The following ABCA13 variants were observed in gnomAD, a reference collection of about 807,000 sequenced individuals.
ABCA13 encodes the protein ATP binding cassette subfamily A member 13.
In ABCA13, 476 loss-of-function variants were observed where a neutral mutation model predicts 478.7. The ratio of observed to expected loss-of-function variants is 0.99; its 90% CI spans 0.92 to 1.07. The LOEUF (loss-of-function observed/expected upper bound fraction) is 1.07. Ranked by LOEUF, ABCA13 falls within the 50% of genes least tolerant of loss-of-function variation. The pLI is 0.00. For missense variants in ABCA13, 6,060 were observed against 5,910.6 expected (o/e 1.03, Z -0.83); for synonymous variants, 2,252 against 2,158.9 (o/e 1.04, Z -1.20).
chr7:48,594,894 A>G (rs1337981108), intron 58 of ABCA13, 81 bp downstream of exon 58: 5 of 1,087,514 alleles, frequency 4.6e-6, no homozygotes, highest in Non-Finnish European at 7.0e-6. Context: ...GTACCTGCAC[A>G]GTGTTACACA....
intron 13 of ABCA13, 120 bp downstream of exon 13, chr7:48,246,150 T>A: frequency 9.3e-7 from 1 of 1,073,866 alleles, no homozygotes; most frequent in Non-Finnish European, 1.3e-6. Context: ...CCCACACACT[T>A]AAAGGAAGCT....
In ABCA13 at chr7:48,389,122, G is replaced by A. The variant is rs765027384; in HGVS notation, c.11556G>A (p.Glu3852=). The change falls in exon 37 of 62, where the codon GAG becomes GAA. Residue 3852 remains glutamate, a synonymous_variant. Transcript: ENST00000435803. ...VTLVSVTKEY[E]GHKAVVQDLS... is the part of the protein sequence containing the mutation. ...TGGTGTCTGTGACCAAGGAATATGA[G>A]GGCCACAAGGCTGTGGTCCAAGACC... 2 of 1,613,918 alleles carry A rather than the reference G, an allele frequency of 1.2e-6. No homozygotes were observed. Among genetic ancestry groups the A allele is most frequent in the Non-Finnish European group, 1.7e-6 (2 of 1,179,850 alleles).
At chr7:48,285,029 T>C (rs1050102474) in intron 19 of ABCA13, among the ~76,000 whole-genome samples, 1 of 152,178 alleles carries the variant, frequency 6.6e-6, no homozygotes, top group African/African-American at 2.4e-5. Context: ...CTTCTCCTGA[T>C]CTAGTGCTTT....
At chr7:48,638,714 G>A (rs1158746795) in intron 59 of ABCA13, among the ~76,000 whole-genome samples, 3 of 152,178 alleles carry the variant, frequency 2.0e-5, no homozygotes, top group Admixed American at 6.5e-5. Context: ...AGCTCTGCTA[G>A]TTAATAAGCT....
Position 48,508,015 on chromosome 7 carries a change from G to GTGTACCA in ABCA13, c.13490_13491insTGTACCA (p.Arg4497SerfsTer13). On this transcript the variant is annotated frameshift_variant, in exon 50 of 62. Coordinates refer to ENST00000435803, the MANE Select transcript of ABCA13 (RefSeq NM_152701.5). LOFTEE classifies it high-confidence loss of function. ...CAGCACATAAGTGGCCTTGGCTACA[G>GTGTACCA]GATGTACTGGTTCACAAACTTCCTA... 1 of 1,613,888 alleles carries GTGTACCA rather than the reference G, an allele frequency of 6.2e-7. No individual in the cohort carries two copies. Among genetic ancestry groups the GTGTACCA allele is most frequent in the Non-Finnish European group, 8.5e-7 (1 of 1,179,834 alleles).
chr7:48,239,458 CA>C, intron 9 of ABCA13, 53 bp downstream of exon 9: 2 of 1,521,882 alleles, frequency 1.3e-6, no homozygotes, highest in Non-Finnish European at 1.8e-6. Flanking sequence ...TTTGAGTGTC[CA>C]AATCCATTCT....
At chr7:48,429,772 G>A (rs1821889813) in intron 42 of ABCA13, among the ~76,000 whole-genome samples, 1 of 152,148 alleles carries the variant, frequency 6.6e-6, no homozygotes, top group Non-Finnish European at 1.5e-5. Flanking sequence ...AATCATGAAA[G>A]GTGTTGGATG....
chr7:48,198,230 T>C lies in ABCA13; in HGVS notation c.164-7T>C. ...CGGACTCATTTCTTCTTTGCATCTA[T>C]TTCTAGGTTATTTGCAGCCCCGAGA... On this transcript the variant is annotated splice_region_variant and splice_polypyrimidine_tract_variant and intron_variant, in intron 2 of 61. Coordinates refer to ENST00000435803, the MANE Select transcript of ABCA13 (RefSeq NM_152701.5). 6.2e-7 allele frequency: 1 copy of C among 1,610,724 alleles called. No individual in the cohort carries two copies. The highest frequency in any genetic ancestry group is 8.5e-7 in the Non-Finnish European group (1 of 1,178,820).
intron 27 of ABCA13, among the ~76,000 whole-genome samples, chr7:48,330,353 C>CCATCCATCCACCCATCCATCCATCCATT (rs1563063855): frequency 6.6e-6 from 1 of 151,638 alleles, no homozygotes; most frequent in African/African-American, 2.4e-5. Context: ...ACACATCCAT[C>CCATCCATCCACCCATCCATCCATCCATT]CATCCATCCA....
At chr7:48,293,887 G>A (rs1485183132) in intron 20 of ABCA13, among the ~76,000 whole-genome samples, 2 of 152,132 alleles carry the variant, frequency 1.3e-5, no homozygotes, top group Non-Finnish European at 2.9e-5. Context: ...CTTTCCAGAT[G>A]TTCCCCAGAG....
intron 42 of ABCA13, 38 bp from the exon 43 acceptor site, chr7:48,454,999 A>G (rs1256237420): frequency 6.8e-7 from 1 of 1,463,824 alleles, no homozygotes; most frequent in Non-Finnish European, 9.0e-7. Context: ...ACCTCCGCAG[A>G]GCTGACCCAG....
chr7:48,606,715 T>C (rs746510188), intron 58 of ABCA13, among the ~76,000 whole-genome samples: 10 of 152,180 alleles, frequency 6.6e-5, no homozygotes, highest in Non-Finnish European at 1.0e-4. Flanking sequence ...GAGGAGGCAG[T>C]CTGTCCCTTA....
intron 15 of ABCA13, among the ~76,000 whole-genome samples, chr7:48,267,765 G>T (rs1320606038): frequency 6.6e-6 from 1 of 152,062 alleles, no homozygotes; most frequent in African/African-American, 2.4e-5. Flanking sequence ...CATTCAAACT[G>T]CTGTCATTTT....
intron 41 of ABCA13, among the ~76,000 whole-genome samples, chr7:48,416,449 G>T (rs942700404): frequency 6.6e-6 from 1 of 152,096 alleles, no homozygotes. Flanking sequence ...ACCATGCATG[G>T]TGCTCCCTCA....
intron 3 of ABCA13, among the ~76,000 whole-genome samples, chr7:48,206,265 A>G (rs539627659): frequency 3.8e-4 from 58 of 152,366 alleles, no homozygotes; most frequent in African/African-American, 1.3e-3. Flanking sequence ...ACATAGAATT[A>G]TAATACCATA....
In ABCA13 at chr7:48,396,441, A is replaced by T. The variant is rs77099990; in HGVS notation, c.11873+4302A>T. On this transcript the variant is annotated intron_variant, in intron 38 of 61. Coordinates refer to ENST00000435803, the MANE Select transcript of ABCA13 (RefSeq NM_152701.5). ...CTCATTCAAGTGTCTTTTCCCTGGG[A>T]TATGGGCAGAGGCTCCAGGAGATGG... 4.3e-3 allele frequency among the ~76,000 whole-genome samples: 654 copies of T among 152,194 alleles called. 25 individuals carry two copies. In the East Asian group the frequency reaches 0.095, roughly 22 times the overall value.
At chr7:48,444,831 C>T (rs757496665) in intron 42 of ABCA13, among the ~76,000 whole-genome samples, 101 of 152,230 alleles carry the variant, frequency 6.6e-4, no homozygotes, top group Non-Finnish European at 1.1e-3. Context: ...GAAAACTTTC[C>T]TCTGGCTCAT....
In ABCA13 at chr7:48,547,357, A is replaced by G. The variant is rs775783045; in HGVS notation, c.14354+19012A>G. ...GAATTTCCCTTCCCTGGAACAAAGT[A>G]TCTCTTAGCTGAAAAAGTCTTATTC... is the stretch of plus-strand genomic sequence containing the variant. On this transcript the variant is annotated intron_variant, in intron 55 of 61. Coordinates refer to ENST00000435803, the MANE Select transcript of ABCA13 (RefSeq NM_152701.5). Among the ~76,000 whole-genome samples the G allele has an allele frequency of 2.8e-4, 43 of 152,050 alleles. 1 individual carries two copies. The highest frequency in any genetic ancestry group is 3.4e-3 in the Middle Eastern group (1 of 292).
At position 48,275,772 on chromosome 7, in the gene ABCA13, G is replaced by A; in HGVS notation, c.6106G>A (p.Gly2036Ser). Residue 2036 changes from glycine to serine, a missense_variant, in exon 17 of 62, where the codon GGT becomes AGT. Gly to Ser is a moderately conservative substitution (Grantham distance 56, BLOSUM62 0). Transcript: ENST00000435803. ...GATGCTCCAGAATGCAAATGTCACAGGTAGCAGTTTAGAAGCATTATCAAG... is the reference window on the plus strand; with the variant it reads ...GATGCTCCAGAATGCAAATGTCACAAGTAGCAGTTTAGAAGCATTATCAAG... The part of the protein sequence containing the change: ...FMMLQNANVT[G>S]SSLEALSSFI... The A allele has an allele frequency of 1.2e-6, 2 of 1,611,232 alleles. No individual in the cohort carries two copies. The highest frequency in any genetic ancestry group is 1.1e-5 in the South Asian group (1 of 90,646).
Sources: gnomAD v4.1 joint callset for allele counts (sites outside exome capture counted in the v4.1 genomes callset) on GRCh38, gnomAD v4.1.1 for gene constraint, MANE v1.5 for transcripts, NCBI Gene and HGNC (gene_info 2026-07-23, HGNC 2026-07-21) for gene names.